Variants in AGO1 observed in about 807,000 individuals in gnomAD.
AGO1 encodes the protein argonaute RISC component 1.
In AGO1, 11 loss-of-function variants were observed where a neutral mutation model predicts 109.2. That is an observed-to-expected ratio of 0.10 (90% CI 0.06 to 0.17). The LOEUF (loss-of-function observed/expected upper bound fraction) is 0.17. Among genes scored for constraint, AGO1 ranks in the 10% least tolerant of loss-of-function variants. The pLI is 1.00. For synonymous variants in AGO1, 422 were observed against 418.6 expected, an observed-to-expected ratio of 1.01 and a Z score of -0.10; for missense variants, 574 against 1,140.3, an observed-to-expected ratio of 0.50 and a Z score of 7.15.
At chr1:35,915,283 C>G in intron 14 of AGO1, 65 bp from the exon 15 acceptor site, 4 of 1,480,354 alleles carry the variant, frequency 2.7e-6, no homozygotes, top group Non-Finnish European at 1.9e-6. Context: ...AGCCTTTCCA[C>G]AAACCCATAG....
chr1:35,918,266 G>A (rs1645770462), intron 16 of AGO1, 56 bp from the exon 17 acceptor site: 1 of 1,371,604 alleles, frequency 7.3e-7, no homozygotes, highest in Middle Eastern at 1.8e-4. Context: ...TTGAGCCAGG[G>A]TCCTGGTTAG....
chr1:35,871,184 CCTT>C lies in AGO1; in HGVS notation c.-201+1282_-201+1284del, dbSNP rs926279771. ...CCACCAACAGATCATTATTCTACCT[CCTT>C]AACTTTTGCCTGATTTAGTGGGTGA... On this transcript the variant is annotated intron_variant, in intron 1 of 18. Coordinates refer to the AGO1 transcript ENST00000373206. Among the ~76,000 whole-genome samples the C allele has an allele frequency of 8.5e-4, 129 of 152,244 alleles. 1 individual carries two copies. Among genetic ancestry groups the C allele is most frequent in the African/African-American group, 3.1e-3 (127 of 41,530 alleles).
intron 8 of AGO1, among the ~76,000 whole-genome samples, chr1:35,899,662 T>C (rs1645380723): frequency 6.6e-6 from 1 of 152,248 alleles, no homozygotes; most frequent in African/African-American, 2.4e-5. Context: ...ATTTTGTTTA[T>C]TCTCTGGAAT....
chr1:35,901,965 C>T lies in AGO1; in HGVS notation c.1158C>T (p.Tyr386=). ...EISRLMKNAS[Y]NLDPYIQEFG... is the part of the protein sequence containing the mutation. Reference sequence around the variant, plus strand: ...TCCTGCAGATGAAGAATGCCAGCTACAACTTAGATCCCTACATCCAGGAAT... The same window carrying T: ...TCCTGCAGATGAAGAATGCCAGCTATAACTTAGATCCCTACATCCAGGAAT... The change falls in exon 10 of 19, where the codon TAC becomes TAT. Residue 386 remains tyrosine (Y), a synonymous_variant. Transcript: ENST00000373204. The surrounding 1 kb of genome is among the most constrained non-coding windows in gnomAD (Gnocchi z 4.8). 2 of 1,597,214 alleles carry T rather than the reference C, an allele frequency of 1.3e-6. No individual in the cohort carries two copies. The highest frequency in any genetic ancestry group is 1.7e-6 in the Non-Finnish European group (2 of 1,172,166).
At chr1:35,917,808 T>G (rs1052224500) in intron 16 of AGO1, 81 bp downstream of exon 16, 1 of 1,545,154 alleles carries the variant, frequency 6.5e-7, no homozygotes, top group Middle Eastern at 2.0e-4. Context: ...AGATAAAGGC[T>G]GGGGATTTAG....
intron 3 of AGO1, 23 bp downstream of exon 3, chr1:35,892,700 G>A (rs148786230): frequency 6.2e-7 from 1 of 1,614,140 alleles, no homozygotes; most frequent in South Asian, 1.1e-5. Context: ...GTCAGGCTAG[G>A]CCTGTGTCAG....
chr1:35,896,651 C>T (rs1043909697), intron 8 of AGO1, among the ~76,000 whole-genome samples: 2 of 152,142 alleles, frequency 1.3e-5, no homozygotes, highest in Non-Finnish European at 2.9e-5. Context: ...AGCTGCCACG[C>T]CTGGCCTACC....
chr1:35,905,495 A>G (rs1645502657), intron 11 of AGO1, among the ~76,000 whole-genome samples: 1 of 151,992 alleles, frequency 6.6e-6, no homozygotes, highest in East Asian at 1.9e-4. Context: ...TTTTTTTGAC[A>G]GCCTCGCTCT....
chr1:35,916,855 G>A (rs538560932), intron 15 of AGO1, among the ~76,000 whole-genome samples: 4 of 152,232 alleles, frequency 2.6e-5, no homozygotes, highest in African/African-American at 9.6e-5. Context: ...ATTGTCTATC[G>A]TAGTCTTCTT....
Position 35,893,624 on chromosome 1 carries a change from A to T in AGO1, c.513-50A>T, listed in dbSNP as rs1403085291. 1.3e-6 allele frequency: 2 copies of T among 1,551,640 alleles called. No individual in the cohort carries two copies. The highest frequency in any genetic ancestry group is 1.4e-5 in the African/African-American group (1 of 73,376). ...CTCCTCCGTGCCCAGGATGCCTCAC[A>T]GGGTGGGGGCCTGTGCCCGAGGGAC... On this transcript the variant is annotated intron_variant, in intron 4 of 18. Coordinates refer to ENST00000373204, the MANE Select transcript of AGO1 (RefSeq NM_012199.5). This position sits in a 1 kb window ranked among gnomAD's most constrained non-coding sequence, Gnocchi z 5.6.
rs1242561591 is a variant in AGO1 at position 35,926,688 on chromosome 1, C to T, written c.*7081C>T. 1.3e-5 allele frequency: 2 copies of T among 152,228 alleles called. No individual in the cohort carries two copies. The highest frequency in any genetic ancestry group is 3.9e-4 in the East Asian group (2 of 5,188). The allele number at this position is 152,228 out of a possible 1,614,324, so 9.4% of individuals were successfully genotyped here. A position where few individuals can be genotyped will look rare whatever the true frequency, so the allele number is the denominator to read the frequency against. On this transcript the variant is annotated 3_prime_UTR_variant, in exon 19 of 19. Coordinates refer to ENST00000373204, the MANE Select transcript of AGO1 (RefSeq NM_012199.5). Reference sequence around the variant, plus strand: ...GATGATAGGCTGAGAAATGCCTAGGCCGGCTTAGAAGGCACACAGCATGAC... The same window carrying T: ...GATGATAGGCTGAGAAATGCCTAGGTCGGCTTAGAAGGCACACAGCATGAC...
At position 35,901,169 on chromosome 1, in the gene AGO1, CTGGGT is replaced by C. The variant is rs1178288705; in HGVS notation, c.1021-301_1021-297del. On this transcript the variant is annotated intron_variant, in intron 8 of 18. Coordinates refer to ENST00000373204, the MANE Select transcript of AGO1 (RefSeq NM_012199.5). This position sits in a 1 kb window ranked among gnomAD's most constrained non-coding sequence, Gnocchi z 4.8. ...CTAATTTTTGTATTTTTAGTAGAGA[CTGGGT>C]TGGCCAGGCTGGTCTTGAACTCCTG... Among the ~76,000 whole-genome samples, 2 of 152,012 alleles carry C rather than the reference CTGGGT, an allele frequency of 1.3e-5. No homozygotes were observed. Among genetic ancestry groups the C allele is most frequent in the African/African-American group, 2.4e-5 (1 of 41,398 alleles).
At position 35,892,966 on chromosome 1, in the gene AGO1, A is replaced by G. The variant is rs541243868; in HGVS notation, c.331-131A>G. 1.7e-4 allele frequency: 169 copies of G among 1,008,324 alleles called. 7 individuals are homozygous for G. The highest frequency in any genetic ancestry group is 1.2e-3 in the South Asian group (74 of 61,894). 62.5% of individuals were successfully genotyped at this position (1,008,324 alleles called of 1,614,324 possible). On this transcript the variant is annotated intron_variant, in intron 3 of 18. Coordinates refer to ENST00000373204, the MANE Select transcript of AGO1 (RefSeq NM_012199.5). ...CAAGGTGGCTAGAACCTAAGGGGCT[A>G]GACTTACTCTGGATTTTCATTATGA... is the stretch of plus-strand genomic sequence containing the variant.
Position 35,907,115 on chromosome 1 carries a change from G to T in AGO1, c.1578G>T (p.Val526=). ...IIVILPGKTP[V]YAEVKRVGDT... is the part of the protein sequence containing the mutation. ...TCATCCTGCCAGGGAAGACGCCGGT[G>T]TATGGTACAGTTCTCTTGGGACAGT... Residue 526 remains valine (V), a synonymous_variant, in exon 12 of 19, where the codon GTG becomes GTT. Coordinates refer to ENST00000373204, the MANE Select transcript of AGO1 (RefSeq NM_012199.5). 1 of 1,611,490 alleles carries T rather than the reference G, an allele frequency of 6.2e-7. No homozygotes were observed. The highest frequency in any genetic ancestry group is 1.7e-5 in the Admixed American group (1 of 59,854).
At position 35,920,417 on chromosome 1, in the gene AGO1, C is replaced by T. The variant is rs1267896119; in HGVS notation, c.*810C>T. 6.6e-6 allele frequency: 1 copy of T among 152,276 alleles called. No homozygotes were observed. The highest frequency in any genetic ancestry group is 1.9e-4 in the East Asian group (1 of 5,176). The allele number at this position is 152,276 out of a possible 1,614,324, so 9.4% of individuals were successfully genotyped here. On this transcript the variant is annotated 3_prime_UTR_variant, in exon 19 of 19. Transcript: ENST00000373204. ...TAACGGTAATGCTGCAGAACTGCAACCTTTTGTACCTTTCTTTGGGGAATG... is the reference window on the plus strand; with the variant it reads ...TAACGGTAATGCTGCAGAACTGCAATCTTTTGTACCTTTCTTTGGGGAATG...
In AGO1 at chr1:35,902,183, GC is replaced by G; in HGVS notation, c.1264-16del. 1 of 1,608,272 alleles carries G rather than the reference GC, an allele frequency of 6.2e-7. No individual in the cohort carries two copies. On this transcript the variant is annotated intron_variant, in intron 10 of 18. Coordinates refer to ENST00000373204, the MANE Select transcript of AGO1 (RefSeq NM_012199.5). Reference sequence around the variant, plus strand: ...TGACTCTACTGAGGCTCACCTAGGCGCCCCCTCTACCTATCCCCAGAACCGG... The same window carrying G: ...TGACTCTACTGAGGCTCACCTAGGCGCCCCTCTACCTATCCCCAGAACCGG...
At chr1:35,894,431 T>C (rs756633090) in intron 7 of AGO1, 29 bp downstream of exon 7, 3 of 1,608,628 alleles carry the variant, frequency 1.9e-6, no homozygotes, top group Non-Finnish European at 2.6e-6. Context: ...TGAGTCATAC[T>C]TTGTTGGTGG....
rs1481620700 is a variant in AGO1, at chr1:35,923,180, A to G, written c.*3573A>G. 1.3e-5 allele frequency: 2 copies of G among 152,230 alleles called. No individual in the cohort carries two copies. Among genetic ancestry groups the G allele is most frequent in the Admixed American group, 1.3e-4 (2 of 15,288 alleles). 9.4% of individuals were successfully genotyped at this position (152,230 alleles called of 1,614,324 possible). ...CTTAGGCTTAACATAAAGCCGAAGAAGGTACCTAGAAATTTGAAACTTCCC... is the reference window on the plus strand; with the variant it reads ...CTTAGGCTTAACATAAAGCCGAAGAGGGTACCTAGAAATTTGAAACTTCCC... On this transcript the variant is annotated 3_prime_UTR_variant, in exon 19 of 19. Transcript: ENST00000373204.
upstream of AGO1, chr1:35,883,168 C>A (rs1248757955): frequency 2.6e-5 from 30 of 1,144,370 alleles, no homozygotes; most frequent in South Asian, 4.3e-5. This position sits in a 1 kb window ranked among gnomAD's most constrained non-coding sequence, Gnocchi z 5.4. Context: ...CCGCTTGACT[C>A]GTTCCGGTCC....
Sources: allele counts gnomAD v4.1 joint callset (sites outside exome capture counted in the v4.1 genomes callset), GRCh38; gene constraint gnomAD v4.1.1; non-coding constraint Gnocchi (gnomAD v3.1); transcripts MANE v1.5; gene names NCBI Gene and HGNC (gene_info 2026-07-23, HGNC 2026-07-21).